Variants in MAP4K1 observed in about 807,000 individuals in gnomAD.
The protein encoded by MAP4K1 is MAPK/ERK kinase kinase kinase 1.
A neutral mutation model predicts 122.8 loss-of-function variants in MAP4K1; 35 were observed. The observed-to-expected ratio is 0.29, with a 90% confidence interval of 0.22 to 0.38. The LOEUF is 0.38. MAP4K1 is among the 10% of genes least tolerant of loss of function. The pLI, the probability that MAP4K1 is intolerant of heterozygous loss-of-function variation, is 1.00. For missense variants in MAP4K1, 791 were observed against 1,072.6 expected, an observed-to-expected ratio of 0.74 and a Z score of 3.67; for synonymous variants, 412 against 421.3, an observed-to-expected ratio of 0.98 and a Z score of 0.27.
At position 38,595,722 on chromosome 19, in the gene MAP4K1, C is replaced by T. The variant is rs751465712; in HGVS notation, c.2187G>A (p.Val729=). The part of the protein sequence containing the change: ...DMVMVLMDGS[V]KLVTPEGSPV... Reference sequence around the variant, plus strand: ...GGGACCCCTCCGGGGTCACCAGCTTCACAGAGCCTGGAAGGAGATAGACGG... The same window carrying T: ...GGGACCCCTCCGGGGTCACCAGCTTTACAGAGCCTGGAAGGAGATAGACGG... Residue 729 remains valine, a synonymous_variant, in exon 28 of 31, where the codon GTG becomes GTA. Coordinates refer to ENST00000396857, the MANE Select transcript of MAP4K1 (RefSeq NM_001042600.3). 1.2e-6 allele frequency: 2 copies of T among 1,600,370 alleles called. No individual in the cohort carries two copies. Among genetic ancestry groups the T allele is most frequent in the Non-Finnish European group, 1.7e-6 (2 of 1,174,404 alleles).
chr19:38,597,464 G>C lies in MAP4K1; in HGVS notation c.1778+22C>G, dbSNP rs1568625469. On this transcript the variant is annotated intron_variant, in intron 23 of 30. Transcript: ENST00000396857. This position sits in a 1 kb window ranked among gnomAD's most constrained non-coding sequence, Gnocchi z 4.6. ...GGGAGGAATTATAAGGCTGTGTGGT[G>C]CCATTCATTGGGAGCTGGTACCTTG... 1 of 1,612,708 alleles carries C rather than the reference G, an allele frequency of 6.2e-7. No individual in the cohort carries two copies. Among genetic ancestry groups the C allele is most frequent in the African/African-American group, 1.3e-5 (1 of 75,018 alleles).
chr19:38,609,837 C>T (rs1224818433), intron 12 of MAP4K1, 72 bp downstream of exon 12: 1 of 1,397,824 alleles, frequency 7.2e-7, no homozygotes, highest in African/African-American at 1.4e-5. Context: ...AGCAGGAAGG[C>T]ACTGCTGGCA....
At chr19:38,607,060 A>G (rs975011504) in intron 16 of MAP4K1, among the ~76,000 whole-genome samples, 4 of 152,020 alleles carry the variant, frequency 2.6e-5, no homozygotes, top group Non-Finnish European at 5.9e-5. Context: ...GCTGGGGCTG[A>G]AGGCTGGAGG....
At chr19:38,604,905 G>A (rs1975278398) in intron 19 of MAP4K1, among the ~76,000 whole-genome samples, 2 of 151,642 alleles carry the variant, frequency 1.3e-5, no homozygotes, top group African/African-American at 4.8e-5. Flanking sequence ...TAACCAACAT[G>A]GTGAAACCCC....
At chr19:38,601,717 G>T (rs1296190026) in intron 19 of MAP4K1, 192 bp from the exon 20 acceptor site, 39 of 521,634 alleles carry the variant, frequency 7.5e-5, no homozygotes, top group Admixed American at 3.5e-4. Context: ...GTTTGTTTTT[G>T]TTTTTTTTTG....
intron 30 of MAP4K1, among the ~76,000 whole-genome samples, chr19:38,591,649 T>A (rs1974730498): frequency 6.6e-6 from 1 of 151,866 alleles, no homozygotes; most frequent in South Asian, 2.1e-4. Context: ...TAGTTAAAAA[T>A]TTTTAATAAG....
chr19:38,592,551 G>A (rs1430046938), intron 30 of MAP4K1: 1 of 150,784 alleles, frequency 6.6e-6, no homozygotes, highest in Non-Finnish European at 1.5e-5. Flanking sequence ...CTCCAGCCTG[G>A]GCAACACAGC....
intron 30 of MAP4K1, among the ~76,000 whole-genome samples, chr19:38,590,397 ATAT>A (rs1974687815): frequency 5.4e-4 from 16 of 29,746 alleles, no homozygotes; most frequent in South Asian, 2.9e-3. Context: ...AAAAAAAAAT[ATAT>A]ATATATATAT....
intron 17 of MAP4K1, 24 bp downstream of exon 17, chr19:38,606,148 TC>T (rs747460027): frequency 6.3e-7 from 1 of 1,575,050 alleles, no homozygotes; most frequent in African/African-American, 1.3e-5. Flanking sequence ...GGCCCCAGCC[TC>T]CCAGCTCTGG....
rs1167201201 is a variant in MAP4K1 at position 38,616,262 on chromosome 19, G to C, written c.249-3C>G. ...TGCAGATCCAGAGTTTCTGCAACCT[G>C]CAGTGGTTCAAGAGTAAGAATAATA... On this transcript the variant is annotated splice_polypyrimidine_tract_variant and splice_region_variant and intron_variant, in intron 3 of 30. Coordinates refer to ENST00000396857, the MANE Select transcript of MAP4K1 (RefSeq NM_001042600.3). 1 of 1,610,654 alleles carries C rather than the reference G, an allele frequency of 6.2e-7. No individual in the cohort carries two copies. Among genetic ancestry groups the C allele is most frequent in the Admixed American group, 1.7e-5 (1 of 59,442 alleles).
In MAP4K1 at chr19:38,617,128, C is replaced by T. The variant is rs192244650; in HGVS notation, c.248+226G>A. Among the ~76,000 whole-genome samples the T allele has an allele frequency of 3.3e-4, 50 of 152,118 alleles. No individual in the cohort carries two copies. Among genetic ancestry groups the T allele is most frequent in the Non-Finnish European group, 6.6e-4 (45 of 68,006 alleles). On this transcript the variant is annotated intron_variant, in intron 3 of 30. Transcript: ENST00000396857. The surrounding 1 kb of genome is among the most constrained non-coding windows in gnomAD (Gnocchi z 4.1). ...GGGCAGGGTGGTGAGCGCCTGTAAT[C>T]CCAGCTACTCGGGAGTCTGAGGCAG...
intron 19 of MAP4K1, among the ~76,000 whole-genome samples, chr19:38,602,843 TATATACAC>T (rs1194623309): frequency 2.7e-5 from 4 of 148,610 alleles, no homozygotes; most frequent in Non-Finnish European, 5.9e-5. Flanking sequence ...CGCATATACA[TATATACAC>T]ATATACATAT....
Position 38,617,708 on chromosome 19 carries a change from G to A in MAP4K1, c.100-83C>T. 1 of 1,603,330 alleles carries A rather than the reference G, an allele frequency of 6.2e-7. No individual in the cohort carries two copies. The highest frequency in any genetic ancestry group is 8.5e-7 in the Non-Finnish European group (1 of 1,170,144). On this transcript the variant is annotated intron_variant, in intron 1 of 30. Coordinates refer to ENST00000396857, the MANE Select transcript of MAP4K1 (RefSeq NM_001042600.3). This position sits in a 1 kb window ranked among gnomAD's most constrained non-coding sequence, Gnocchi z 4.1. Reference sequence around the variant, plus strand: ...CATCCCTGAGTCAAGGTCAAGAACTGGGACCCCCTCTTGCAGCCTCCTCCC... The same window carrying A: ...CATCCCTGAGTCAAGGTCAAGAACTAGGACCCCCTCTTGCAGCCTCCTCCC...
At position 38,608,158 on chromosome 19, in the gene MAP4K1, T is replaced by G; in HGVS notation, c.1019A>C (p.Glu340Ala). The change falls in exon 14 of 31, where the codon GAG (glutamate) becomes GCG (alanine). Residue 340 changes from glutamate to alanine, a missense_variant. This residue lies in a region of MAP4K1 where 303 missense variants were observed against 344.8 expected (regional missense o/e 0.88). Transcript: ENST00000396857. ...PDADCCRRHM[E>A]FRKLRGMETR... ...CTCCATTCCTCGGAGCTTCCTGAAC[T>G]CCATGTGCCGCCCTAGGGTGGGTGG... 6.6e-7 allele frequency: 1 copy of G among 1,518,312 alleles called. No individual in the cohort carries two copies. Among genetic ancestry groups the G allele is most frequent in the Non-Finnish European group, 8.8e-7 (1 of 1,135,238 alleles). The allele number at this position is 1,518,312 out of a possible 1,614,324, so 94.1% of individuals were successfully genotyped here.
intron 16 of MAP4K1, among the ~76,000 whole-genome samples, chr19:38,607,056 G>A (rs1293331687): frequency 6.6e-6 from 1 of 152,134 alleles, no homozygotes; most frequent in Non-Finnish European, 1.5e-5. Context: ...GAGGGCTGGG[G>A]CTGAAGGCTG....
chr19:38,605,849 C>G (rs1208623726), intron 17 of MAP4K1, 119 bp from the exon 18 acceptor site: 5 of 965,302 alleles, frequency 5.2e-6, no homozygotes, highest in East Asian at 2.7e-5. Context: ...GACCCACCCC[C>G]CCGACAACAT....
chr19:38,590,501 C>CA (rs1974697692), intron 30 of MAP4K1, among the ~76,000 whole-genome samples: 2 of 142,234 alleles, frequency 1.4e-5, no homozygotes, highest in South Asian at 4.5e-4. Context: ...TTTTCTGAGA[C>CA]AGAGTCTCGC....
chr19:38,610,115 G>A, intron 11 of MAP4K1, 90 bp from the exon 12 acceptor site: 2 of 896,292 alleles, frequency 2.2e-6, no homozygotes, highest in Middle Eastern at 4.4e-4. Flanking sequence ...AGGGCCTTGG[G>A]GACTGGACTA....
chr19:38,589,901 G>A (rs1250785832), intron 30 of MAP4K1, among the ~76,000 whole-genome samples: 2 of 151,912 alleles, frequency 1.3e-5, no homozygotes, highest in Non-Finnish European at 2.9e-5. Flanking sequence ...GTAGTGGTAC[G>A]CGCCTGTCAT....
Sources: allele counts gnomAD v4.1 joint callset (sites outside exome capture counted in the v4.1 genomes callset), GRCh38; gene constraint gnomAD v4.1.1; regional missense constraint gnomAD v4.1.1; non-coding constraint Gnocchi (gnomAD v3.1); transcripts MANE v1.5; gene names NCBI Gene and HGNC (gene_info 2026-07-23, HGNC 2026-07-21).